CEP89: variants seen among roughly 807,000 people sequenced by gnomAD.
The protein encoded by CEP89 is centrosomal protein 89, also known as centrosomal protein of 89 kDa.
A neutral mutation model predicts 97.6 loss-of-function variants in CEP89; 95 were observed. The observed-to-expected ratio is 0.97, with a 90% confidence interval of 0.82 to 1.15. The LOEUF (loss-of-function observed/expected upper bound fraction) is 1.15. CEP89 is among the 50% of genes most tolerant of loss of function. The pLI is 0.00. For missense variants in CEP89, 869 were observed against 947.7 expected (o/e 0.92, Z 1.09); for synonymous variants, 354 against 349.1 (o/e 1.01, Z -0.16).
rs1300518988 is a variant in CEP89, at chr19:32,886,327, C to T, written c.1965+1425G>A. ...GAGGAGGTTCCTGGGAGGGTGGGAG[C>T]GACAGTTGGGCCAGAGTGTCCTTCC... On this transcript the variant is annotated intron_variant, in intron 17 of 18. Coordinates refer to ENST00000305768, the MANE Select transcript of CEP89 (RefSeq NM_032816.5). 4.6e-5 allele frequency among the ~76,000 whole-genome samples: 7 copies of T among 152,262 alleles called. No homozygotes were observed. The South Asian group carries it at 1.0e-3, about 23-fold the overall frequency.
intron 12 of CEP89, among the ~76,000 whole-genome samples, chr19:32,920,419 T>TA (rs1245182386): frequency 6.6e-6 from 1 of 152,122 alleles, no homozygotes; most frequent in Non-Finnish European, 1.5e-5. Context: ...CCCCCATTCC[T>TA]AAAAAAGAGT....
chr19:32,968,981 A>G (rs992018156), intron 1 of CEP89: 1 of 152,216 alleles, frequency 6.6e-6, no homozygotes, highest in Non-Finnish European at 1.5e-5. Context: ...CTGGAGACAG[A>G]TTGTCCCATG....
chr19:32,926,318 A>T, intron 10 of CEP89, 45 bp from the exon 11 acceptor site: 1 of 1,355,094 alleles, frequency 7.4e-7, no homozygotes, highest in Non-Finnish European at 1.0e-6. Flanking sequence ...TCTTACATCT[A>T]AACACAACCA....
intron 17 of CEP89, among the ~76,000 whole-genome samples, chr19:32,884,801 G>A (rs1343332828): frequency 3.9e-5 from 6 of 152,070 alleles, no homozygotes; most frequent in Non-Finnish European, 8.8e-5. Context: ...GGTCTCAAGC[G>A]ATCCTACTAC....
chr19:32,912,974 C>T (rs1170629388), intron 14 of CEP89, among the ~76,000 whole-genome samples: 10 of 151,168 alleles, frequency 6.6e-5, no homozygotes, highest in Non-Finnish European at 1.0e-4. Flanking sequence ...CCCCGGGGGG[C>T]GGAGCCTGCA....
chr19:32,902,010 C>CTCTGTGTGTT (rs1207481256), intron 14 of CEP89, among the ~76,000 whole-genome samples: 1 of 133,732 alleles, frequency 7.5e-6, no homozygotes, highest in African/African-American at 2.9e-5. Context: ...CTCTCTCTCT[C>CTCTGTGTGTT]TGTGTGTGTG....
At chr19:32,951,656 G>A (rs1315807165) in intron 4 of CEP89, among the ~76,000 whole-genome samples, 2 of 151,746 alleles carry the variant, frequency 1.3e-5, no homozygotes, top group Admixed American at 6.6e-5. Flanking sequence ...GAAAAGATGA[G>A]TTTCCAAGGA....
rs58242292 is a variant in CEP89 at position 32,921,513 on chromosome 19, A to T, written c.1268+1926T>A. ...AAGGGCAGATTTCAAATCCCAACAA[A>T]TGCAGGATTGGGGAACACTGCGGGG... On this transcript the variant is annotated intron_variant, in intron 12 of 18. Coordinates refer to ENST00000305768, the MANE Select transcript of CEP89 (RefSeq NM_032816.5). Among the ~76,000 whole-genome samples the T allele has an allele frequency of 6.5e-3, 996 of 152,298 alleles. 13 individuals carry two copies. Among genetic ancestry groups the T allele is most frequent in the African/African-American group, 0.023 (946 of 41,574 alleles).
intron 16 of CEP89, among the ~76,000 whole-genome samples, chr19:32,899,473 T>C (rs1568549533): frequency 6.6e-6 from 1 of 152,100 alleles, no homozygotes; most frequent in Non-Finnish European, 1.5e-5. Context: ...GTTCTAGACT[T>C]ACAACAGGGC....
At chr19:32,969,511 A>G (rs765233834) in intron 1 of CEP89, 3 of 152,252 alleles carry the variant, frequency 2.0e-5, no homozygotes, top group African/African-American at 4.8e-5. Context: ...ACTCCCCTCC[A>G]AGATCAGAGC....
At chr19:32,964,758 T>C (rs1439355577) in intron 2 of CEP89, among the ~76,000 whole-genome samples, 3 of 152,006 alleles carry the variant, frequency 2.0e-5, no homozygotes, top group Non-Finnish European at 4.4e-5. Context: ...TGCCTGGGGA[T>C]GAACAGGAGC....
At chr19:32,963,941 A>T (rs1435852069) in intron 2 of CEP89, 1 of 143,602 alleles carries the variant, frequency 7.0e-6, no homozygotes, top group Non-Finnish European at 1.5e-5. Flanking sequence ...CATGCACATG[A>T]ACACACACAC....
rs1021176279 is a variant in CEP89, at chr19:32,936,014, G to T, written c.667+1617C>A. ...CTGCCCCTTCTGAGTTGGTGGGGCA[G>T]GAGCTCATGGGGTGCTGCTACAGTT... is the stretch of plus-strand genomic sequence containing the variant. On this transcript the variant is annotated intron_variant, in intron 7 of 18. Coordinates refer to ENST00000305768, the MANE Select transcript of CEP89 (RefSeq NM_032816.5). The surrounding 1 kb of genome is among the most constrained non-coding windows in gnomAD (Gnocchi z 4.5). 1.3e-5 allele frequency among the ~76,000 whole-genome samples: 2 copies of T among 152,192 alleles called. No homozygotes were observed. The highest frequency in any genetic ancestry group is 2.4e-5 in the African/African-American group (1 of 41,446).
chr19:32,930,986 A>G (rs1262918330), intron 9 of CEP89, among the ~76,000 whole-genome samples: 1 of 152,078 alleles, frequency 6.6e-6, no homozygotes, highest in Admixed American at 6.6e-5. Flanking sequence ...CCCATGCTCA[A>G]GAGATCCTCT....
At chr19:32,907,150 A>C (rs1170877993) in intron 14 of CEP89, among the ~76,000 whole-genome samples, 1 of 152,222 alleles carries the variant, frequency 6.6e-6, no homozygotes, top group East Asian at 1.9e-4. Context: ...ACTTGAGAAC[A>C]GGAGTCCAAG....
intron 3 of CEP89, among the ~76,000 whole-genome samples, chr19:32,955,387 TG>T (rs1971024932): frequency 6.6e-6 from 1 of 152,204 alleles, no homozygotes; most frequent in Admixed American, 6.5e-5. Flanking sequence ...CTTGCTTAGG[TG>T]GGGTTTTTTT....
At position 32,882,734 on chromosome 19, in the gene CEP89, A is replaced by G. The variant is rs142072477; in HGVS notation, c.1966-721T>C. ...CCTTGACAAGACAGCCTCATTGAAG[A>G]ATCCAACAAGGGCTGTCACTCTCTG... On this transcript the variant is annotated intron_variant, in intron 17 of 18. Coordinates refer to ENST00000305768, the MANE Select transcript of CEP89 (RefSeq NM_032816.5). 2.9e-3 allele frequency among the ~76,000 whole-genome samples: 445 copies of G among 152,326 alleles called. 2 individuals are homozygous for G. The highest frequency in any genetic ancestry group is 0.01 in the African/African-American group (421 of 41,566).
intron 17 of CEP89, among the ~76,000 whole-genome samples, chr19:32,886,468 G>A (rs750419472): frequency 9.2e-5 from 14 of 152,114 alleles, no homozygotes; most frequent in Admixed American, 2.0e-4. Context: ...TCTCGTCACA[G>A]CCCCGGATTT....
At chr19:32,901,521 G>A (rs1407575458) in intron 14 of CEP89, 109 bp from the exon 15 acceptor site, 24 of 1,159,592 alleles carry the variant, frequency 2.1e-5, no homozygotes, top group Non-Finnish European at 2.8e-5. Flanking sequence ...CAGCCCCTGG[G>A]TGGGTCACTT....
Sources: allele counts gnomAD v4.1 joint callset (sites outside exome capture counted in the v4.1 genomes callset), GRCh38; gene constraint gnomAD v4.1.1; non-coding constraint Gnocchi (gnomAD v3.1); transcripts MANE v1.5; gene names NCBI Gene and HGNC (gene_info 2026-07-23, HGNC 2026-07-21).